Variants in RABGAP1 observed in about 807,000 individuals in gnomAD.
RABGAP1 encodes RAB GTPase activating protein 1.
A neutral mutation model predicts 137.6 loss-of-function variants in RABGAP1; 23 were observed. That is an observed-to-expected ratio of 0.17 (90% confidence interval 0.12 to 0.24). The LOEUF (loss-of-function observed/expected upper bound fraction) is 0.24. Among genes scored for constraint, RABGAP1 ranks in the 10% least tolerant of loss-of-function variants. The pLI is 1.00. For synonymous variants in RABGAP1, 451 were observed against 450.7 expected, an observed-to-expected ratio of 1.00 and a Z score of -0.01; for missense variants, 906 against 1,275.8, an observed-to-expected ratio of 0.71 and a Z score of 4.42.
At chr9:123,102,930 C>A (rs948858127) in intron 25 of RABGAP1, among the ~76,000 whole-genome samples, 161 bp from the exon 26 acceptor site, 1 of 152,210 alleles carries the variant, frequency 6.6e-6, no homozygotes, top group Admixed American at 6.5e-5. Context: ...GCTCCCAAAT[C>A]TTTAGGCATT....
At chr9:122,992,819 T>C (rs1362504056) in intron 6 of RABGAP1, among the ~76,000 whole-genome samples, 1 of 149,728 alleles carries the variant, frequency 6.7e-6, no homozygotes, top group Non-Finnish European at 1.5e-5. Flanking sequence ...ATCTAAATAT[T>C]ATACCTAAAT....
At position 122,948,039 on chromosome 9, in the gene RABGAP1, G is replaced by GA. The variant is rs567171656; in HGVS notation, c.-50+6950dup. ...GCAGTGAAACAAAGTTCAGAGCCAG[G>GA]AAAACACACACACACACACACACAC... On this transcript the variant is annotated intron_variant, in intron 1 of 25. Transcript: ENST00000373647. Among the ~76,000 whole-genome samples the GA allele has an allele frequency of 3.9e-3, 480 of 123,354 alleles. 6 individuals carry two copies. The highest frequency in any genetic ancestry group is 0.018 in the African/African-American group (448 of 24,514). 80.9% of individuals were successfully genotyped at this position (123,354 alleles called of 152,430 possible).
chr9:123,009,974 C>T (rs2030652192), intron 10 of RABGAP1, among the ~76,000 whole-genome samples: 1 of 152,080 alleles, frequency 6.6e-6, no homozygotes, highest in South Asian at 2.1e-4. Context: ...TATAGGAAAC[C>T]TTGAAGGATG....
At chr9:123,053,725 T>C (rs917561780) in intron 13 of RABGAP1, among the ~76,000 whole-genome samples, 1 of 152,236 alleles carries the variant, frequency 6.6e-6, no homozygotes, top group African/African-American at 2.4e-5. Context: ...TCTGGATTAA[T>C]CTTAAGAAGA....
chr9:123,040,469 T>G (rs895071991), intron 13 of RABGAP1, among the ~76,000 whole-genome samples: 1 of 152,170 alleles, frequency 6.6e-6, no homozygotes, highest in Admixed American at 6.6e-5. Context: ...TCATCCCTGC[T>G]TCCATTATTG....
chr9:123,091,726 G>T (rs2035037793), intron 21 of RABGAP1, among the ~76,000 whole-genome samples: 1 of 151,912 alleles, frequency 6.6e-6, no homozygotes, highest in African/African-American at 2.4e-5. Context: ...GCTCCTCTTT[G>T]CAGTTTTTGC....
At chr9:123,096,964 C>T (rs1222616937) in intron 21 of RABGAP1, among the ~76,000 whole-genome samples, 1 of 152,178 alleles carries the variant, frequency 6.6e-6, no homozygotes, top group African/African-American at 2.4e-5. Context: ...CTCAGTGGCC[C>T]AGTTACACTA....
intron 21 of RABGAP1, among the ~76,000 whole-genome samples, chr9:123,092,342 GAGCTCCC>G (rs780098895): frequency 6.6e-6 from 1 of 152,168 alleles, no homozygotes; most frequent in Non-Finnish European, 1.5e-5. Flanking sequence ...ATTATAATAT[GAGCTCCC>G]ATTTACTGAT....
At chr9:122,976,264 TAGA>T (rs1835756125) in intron 2 of RABGAP1, among the ~76,000 whole-genome samples, 2 of 152,236 alleles carry the variant, frequency 1.3e-5, no homozygotes, top group African/African-American at 4.8e-5. Context: ...CCTTTTAATG[TAGA>T]GTACATGGAA....
rs992494307 is a variant in RABGAP1, at chr9:122,941,088, G to A, written c.-55G>A. 1.3e-5 allele frequency: 2 copies of A among 153,018 alleles called. No individual in the cohort carries two copies. The highest frequency in any genetic ancestry group is 1.3e-4 in the Admixed American group (2 of 15,294). The allele number at this position is 153,018 out of a possible 1,614,324, so 9.5% of individuals were successfully genotyped here. A position where few individuals can be genotyped will look rare whatever the true frequency, so the allele number is the denominator to read the frequency against. On this transcript the variant is annotated 5_prime_UTR_variant, in exon 1 of 26. Transcript: ENST00000373647. ...GCGGGCGGCGGAGGAGGAGACGGCA[G>A]GTCGGGTAGGGCCGTGTTTCCCCTC...
chr9:123,033,021 G>A (rs1053702081), intron 13 of RABGAP1, among the ~76,000 whole-genome samples: 1 of 152,164 alleles, frequency 6.6e-6, no homozygotes, highest in African/African-American at 2.4e-5. Flanking sequence ...TCAAATATGG[G>A]AACAGTGTAA....
chr9:123,102,566 G>A (rs2035375060), intron 25 of RABGAP1, among the ~76,000 whole-genome samples: 1 of 152,176 alleles, frequency 6.6e-6, no homozygotes, highest in South Asian at 2.1e-4. Context: ...AATGCACAGG[G>A]CTTGTAGCTA....
chr9:123,030,733 T>C (rs756017388), intron 13 of RABGAP1, among the ~76,000 whole-genome samples: 15 of 152,158 alleles, frequency 9.9e-5, no homozygotes, highest in Non-Finnish European at 1.8e-4. Flanking sequence ...TGAAACTACA[T>C]AGTATTAACT....
chr9:122,941,333 G>A (rs1833551475), intron 1 of RABGAP1, among the ~76,000 whole-genome samples: 1 of 152,238 alleles, frequency 6.6e-6, no homozygotes. Context: ...GGGAGCCCCT[G>A]CCCAAACCGG....
At chr9:123,020,049 T>G (rs2031520665) in intron 12 of RABGAP1, among the ~76,000 whole-genome samples, 1 of 152,044 alleles carries the variant, frequency 6.6e-6, no homozygotes. Context: ...TTTTTTTTTT[T>G]TTTTTTTTTA....
At chr9:122,985,456 CA>C (rs1836318286) in intron 3 of RABGAP1, among the ~76,000 whole-genome samples, 14 of 151,838 alleles carry the variant, frequency 9.2e-5, no homozygotes, top group Admixed American at 9.2e-4. Context: ...TATTAAAATA[CA>C]AAAAATTAGC....
chr9:123,100,383 A>ATTG (rs1491327467), intron 24 of RABGAP1, among the ~76,000 whole-genome samples: 2 of 136,572 alleles, frequency 1.5e-5, no homozygotes, highest in East Asian at 4.6e-4. Flanking sequence ...GTTTAACCAG[A>ATTG]TGTGTGTGTG....
At chr9:122,978,129 G>C (rs185383100) in intron 2 of RABGAP1, among the ~76,000 whole-genome samples, 119 of 145,482 alleles carry the variant, frequency 8.2e-4, no homozygotes, top group Non-Finnish European at 1.5e-3. Flanking sequence ...TCAAGATGGG[G>C]AATACTTTTA....
chr9:123,070,505 T>C lies in RABGAP1; in HGVS notation c.1983+81T>C. 4 of 1,604,760 alleles carry C rather than the reference T, an allele frequency of 2.5e-6. No individual in the cohort carries two copies. The highest frequency in any genetic ancestry group is 3.4e-6 in the Non-Finnish European group (4 of 1,176,104). ...AACCTTAGGCTTGAGCATGGTTTTA[T>C]ATTGGGTTTGGACAGACTCTTAAGG... On this transcript the variant is annotated intron_variant, in intron 15 of 25. Coordinates refer to ENST00000373647, the MANE Select transcript of RABGAP1 (RefSeq NM_012197.4). The surrounding 1 kb of genome is among the most constrained non-coding windows in gnomAD (Gnocchi z 4.4).
Sources: allele counts gnomAD v4.1 joint callset (sites outside exome capture counted in the v4.1 genomes callset), GRCh38; gene constraint gnomAD v4.1.1; non-coding constraint Gnocchi (gnomAD v3.1); transcripts MANE v1.5; gene names NCBI Gene and HGNC (gene_info 2026-07-23, HGNC 2026-07-21).